Variants in SLC2A11 observed in about 807,000 individuals in gnomAD.
SLC2A11 encodes solute carrier family 2 member 11.
SLC2A11 carries 43 observed loss-of-function variants against 52.1 expected under a neutral mutation model. That is an observed-to-expected ratio of 0.82 (90% CI 0.65 to 1.06). The LOEUF is 1.06. Among genes scored for constraint, SLC2A11 ranks in the 50% least tolerant of loss-of-function variants. The pLI is 0.00. For missense variants in SLC2A11, 582 were observed against 654.2 expected, an observed-to-expected ratio of 0.89 and a Z score of 1.20; for synonymous variants, 261 against 277.6, an observed-to-expected ratio of 0.94 and a Z score of 0.59.
At chr22:23,857,560 C>T, upstream of SLC2A11, 3 of 1,579,458 alleles carry the variant, frequency 1.9e-6, no homozygotes, top group South Asian at 1.1e-5. Flanking sequence ...CGACAAACCC[C>T]GCGGCGGTGA....
chr22:23,876,966 AG>A, intron 4 of SLC2A11, 75 bp from the exon 5 acceptor site: 1 of 1,607,756 alleles, frequency 6.2e-7, no homozygotes, highest in Non-Finnish European at 8.5e-7. Flanking sequence ...TGAGTGGGGC[AG>A]GGGAGACAGG....
intron 2 of SLC2A11, 190 bp from the exon 3 acceptor site, chr22:23,868,291 G>A: frequency 1.6e-6 from 1 of 615,148 alleles, no homozygotes; most frequent in Non-Finnish European, 2.8e-6. Context: ...GAAAGAACCA[G>A]CATGGTGCCC....
chr22:23,884,901 C>T lies in SLC2A11; in HGVS notation c.*52C>T. 1 of 1,497,738 alleles carries T rather than the reference C, an allele frequency of 6.7e-7. No individual in the cohort carries two copies. Among genetic ancestry groups the T allele is most frequent in the Non-Finnish European group, 9.2e-7 (1 of 1,085,248 alleles). The allele number at this position is 1,497,738 out of a possible 1,614,324, so 92.8% of individuals were successfully genotyped here. ...CCAGCTACTGTCCTGTCCTCTGCTT[C>T]CTGCCAGGGCCCTGGTCCTCACTCC... On this transcript the variant is annotated 3_prime_UTR_variant, in exon 12 of 12. Coordinates refer to ENST00000316185, the MANE Select transcript of SLC2A11 (RefSeq NM_001024939.4). The surrounding 1 kb of genome is among the most constrained non-coding windows in gnomAD (Gnocchi z 4.3).
At chr22:23,868,031 G>A (rs73160444) in intron 2 of SLC2A11, 13,066 of 314,066 alleles carry the variant, frequency 0.042, 378 homozygotes, top group Non-Finnish European at 0.052. Context: ...CATCTGAAGA[G>A]GGGACAGTCT....
In SLC2A11 at chr22:23,885,069, C is replaced by T. The variant is rs1412289805; in HGVS notation, c.*220C>T. ...CAGAAAATCAGTAACAACATAATTA[C>T]AGGCTGGTTGTGGCAGCTCATGACT... On this transcript the variant is annotated 3_prime_UTR_variant, in exon 12 of 12. Transcript: ENST00000316185. 2 of 565,772 alleles carry T rather than the reference C, an allele frequency of 3.5e-6. No individual in the cohort carries two copies. Among genetic ancestry groups the T allele is most frequent in the African/African-American group, 1.9e-5 (1 of 52,680 alleles). 35.0% of individuals were successfully genotyped at this position (565,772 alleles called of 1,614,324 possible). A position where few individuals can be genotyped will look rare whatever the true frequency, so the allele number is the denominator to read the frequency against.
chr22:23,869,905 G>A (rs2032394974), intron 3 of SLC2A11: 4 of 684,322 alleles, frequency 5.8e-6, no homozygotes, highest in African/African-American at 1.8e-5. Flanking sequence ...AGACAAAAGG[G>A]CAAAAGGCAA....
rs894124116 is a variant in SLC2A11 at position 23,878,000 on chromosome 22, A to G, written c.694+131A>G. ...ATCCCTCTCTTTGTGCCTCAATTTC[A>G]TGATCTGCCTATACCTGCCTTCAAT... On this transcript the variant is annotated intron_variant, in intron 6 of 11. Coordinates refer to ENST00000316185, the MANE Select transcript of SLC2A11 (RefSeq NM_001024939.4). The G allele has an allele frequency of 2.3e-5, 26 of 1,138,782 alleles. No individual in the cohort carries two copies. The African/African-American group carries it at 3.0e-4, about 13-fold the overall frequency. The allele number at this position is 1,138,782 out of a possible 1,614,324, so 70.5% of individuals were successfully genotyped here.
In SLC2A11 at chr22:23,882,920, CA is replaced by C. The variant is rs894020095; in HGVS notation, c.993+52del. 5 of 1,500,380 alleles carry C rather than the reference CA, an allele frequency of 3.3e-6. No individual in the cohort carries two copies. The African/African-American group carries it at 6.9e-5, about 21-fold the overall frequency. The allele number at this position is 1,500,380 out of a possible 1,614,324, so 92.9% of individuals were successfully genotyped here. On this transcript the variant is annotated intron_variant, in intron 8 of 11. Transcript: ENST00000316185. ...CACCAGCCCTGTGGGGAGGGACCCC[CA>C]GGTCCTCTGCATTAAACCAGTTTAC...
upstream of SLC2A11, chr22:23,857,605 C>A (rs116212471): frequency 1.9e-3 from 2,446 of 1,298,936 alleles, 33 homozygotes; most frequent in South Asian, 0.019. Flanking sequence ...CGACTCCCCC[C>A]CAACACGCTG....
At chr22:23,857,073 TGGGGGGG>T, upstream of SLC2A11, 4 of 407,348 alleles carry the variant, frequency 9.8e-6, no homozygotes, top group Non-Finnish European at 1.6e-5. Context: ...TGTGTGTGTG[TGGGGGGG>T]GGGGGGTGTA....
Position 23,884,470 on chromosome 22 carries a change from T to C in SLC2A11, c.1299+41T>C. On this transcript the variant is annotated intron_variant, in intron 11 of 11. Transcript: ENST00000316185. The surrounding 1 kb of genome is among the most constrained non-coding windows in gnomAD (Gnocchi z 4.3). ...CCGCTGGGGGCCCTGCCTTAGGCTG[T>C]GTCCCTGTCATCCTGAGAACCCCAG... is the stretch of plus-strand genomic sequence containing the variant. 6.3e-7 allele frequency: 1 copy of C among 1,595,902 alleles called. No homozygotes were observed. The highest frequency in any genetic ancestry group is 8.6e-7 in the Non-Finnish European group (1 of 1,169,464).
rs1288636909 is a variant in SLC2A11, at chr22:23,884,367, G to T, written c.1237G>T (p.Val413Phe). ...GATGGCCAGGCCTGCTGCCTGCATG[G>T]TCTGCGGGGCGCTCATGTGGATCAT... is the stretch of plus-strand genomic sequence containing the variant. ...DQMARPAACM[V>F]CGALMWIMLI... Residue 413 changes from valine to phenylalanine, a missense_variant, in exon 11 of 12, where the codon GTC becomes TTC. Coordinates refer to ENST00000316185, the MANE Select transcript of SLC2A11 (RefSeq NM_001024939.4). This position sits in a 1 kb window ranked among gnomAD's most constrained non-coding sequence, Gnocchi z 4.3. The T allele has an allele frequency of 6.2e-7, 1 of 1,614,052 alleles. No homozygotes were observed. Among genetic ancestry groups the T allele is most frequent in the East Asian group, 2.2e-5 (1 of 44,876 alleles).
chr22:23,867,715 A>G, intron 2 of SLC2A11: 3 of 470,708 alleles, frequency 6.4e-6, no homozygotes, highest in Non-Finnish European at 1.3e-5. Flanking sequence ...TAAGGTCTAT[A>G]AAAACTCTTG....
At position 23,884,567 on chromosome 22, in the gene SLC2A11, G is replaced by C. The variant is rs1198869462; in HGVS notation, c.1300-82G>C. 6.5e-7 allele frequency: 1 copy of C among 1,539,742 alleles called. No homozygotes were observed. Among genetic ancestry groups the C allele is most frequent in the East Asian group, 2.3e-5 (1 of 44,274 alleles). ...TAGGGGAGCAAAGAGGGGGGCAAAT[G>C]CCTCCTCACGACCTGTCATGGGCCT... On this transcript the variant is annotated intron_variant, in intron 11 of 11. Transcript: ENST00000316185. The surrounding 1 kb of genome is among the most constrained non-coding windows in gnomAD (Gnocchi z 4.3).
chr22:23,874,543 T>C (rs1354502055), intron 3 of SLC2A11, among the ~76,000 whole-genome samples: 1 of 151,580 alleles, frequency 6.6e-6, no homozygotes, highest in Non-Finnish European at 1.5e-5. Context: ...CCTCTACCTC[T>C]CGGGTTCAAG....
chr22:23,883,968 T>A lies in SLC2A11; in HGVS notation c.1115T>A (p.Leu372His). 6.2e-7 allele frequency: 1 copy of A among 1,613,046 alleles called. No homozygotes were observed. The highest frequency in any genetic ancestry group is 1.1e-5 in the South Asian group (1 of 90,970). Residue 372 changes from leucine to histidine, a missense_variant, in exon 10 of 12, where the codon CTC becomes CAC. Transcript: ENST00000316185. The stretch of plus-strand genomic sequence containing the variant: ...CGGCAGAGCTCCTTCCCCTGGACAC[T>A]CTACCTGGCCATGGCCTGCATCTTT... ...LCLQSSFPWT[L>H]YLAMACIFAF... is the part of the protein sequence containing the mutation.
chr22:23,860,732 CT>C (rs200078540), intron 1 of SLC2A11, among the ~76,000 whole-genome samples: 13 of 137,082 alleles, frequency 9.5e-5, no homozygotes, highest in African/African-American at 1.9e-4. Flanking sequence ...AACTCCGTCT[CT>C]TTTTTTTTTT....
chr22:23,859,033 C>T (rs188327918), intron 1 of SLC2A11, among the ~76,000 whole-genome samples: 3 of 152,342 alleles, frequency 2.0e-5, no homozygotes, highest in Admixed American at 2.0e-4. Context: ...AGGCAATCTC[C>T]ATGCATGATC....
At chr22:23,874,816 A>G (rs1488675526) in intron 3 of SLC2A11, among the ~76,000 whole-genome samples, 4 of 151,714 alleles carry the variant, frequency 2.6e-5, no homozygotes, top group African/African-American at 7.3e-5. Flanking sequence ...GTCTCCTGGG[A>G]TCAGGTGATC....
Sources: allele counts gnomAD v4.1 joint callset (sites outside exome capture counted in the v4.1 genomes callset), GRCh38; gene constraint gnomAD v4.1.1; non-coding constraint Gnocchi (gnomAD v3.1); transcripts MANE v1.5; gene names NCBI Gene and HGNC (gene_info 2026-07-23, HGNC 2026-07-21).